Variants in MAST4 observed in about 807,000 individuals in gnomAD.
MAST4 encodes microtubule associated serine/threonine kinase family member 4.
A neutral mutation model predicts 162.7 loss-of-function variants in MAST4; 89 were observed. That is an observed-to-expected ratio of 0.55 (90% CI 0.46 to 0.65). The LOEUF (loss-of-function observed/expected upper bound fraction) is 0.65. MAST4 is among the 30% of genes least tolerant of loss of function. The pLI, the probability that MAST4 is intolerant of heterozygous loss-of-function variation, is 0.00. For missense variants in MAST4, 3,153 were observed against 3,374.0 expected, an observed-to-expected ratio of 0.93 and a Z score of 1.62; for synonymous variants, 1,479 against 1,361.1, an observed-to-expected ratio of 1.09 and a Z score of -1.91.
intron 4 of MAST4, among the ~76,000 whole-genome samples, chr5:66,985,383 A>G (rs895620111): frequency 6.6e-6 from 1 of 152,152 alleles, no homozygotes; most frequent in Non-Finnish European, 1.5e-5. Flanking sequence ...GAAATGTTCA[A>G]TCAAAGACAA....
chr5:66,967,337 A>G (rs1746860404), intron 4 of MAST4, among the ~76,000 whole-genome samples: 1 of 152,182 alleles, frequency 6.6e-6, no homozygotes, highest in South Asian at 2.1e-4. Flanking sequence ...GCGGAACTCC[A>G]GGGGCTTCTC....
chr5:66,722,052 C>T (rs144907971), intron 1 of MAST4, among the ~76,000 whole-genome samples: 3 of 152,168 alleles, frequency 2.0e-5, no homozygotes, highest in African/African-American at 7.2e-5. Context: ...TCCATCCCTG[C>T]CCTCTGCCAC....
intron 4 of MAST4, among the ~76,000 whole-genome samples, chr5:67,038,406 T>G (rs1260261801): frequency 1.3e-5 from 2 of 152,180 alleles, no homozygotes; most frequent in Admixed American, 6.6e-5. Context: ...ACAAACTCCT[T>G]GTAAGCACTT....
chr5:67,129,240 A>G (rs1439054969), intron 14 of MAST4, among the ~76,000 whole-genome samples: 2 of 152,172 alleles, frequency 1.3e-5, no homozygotes, highest in Non-Finnish European at 2.9e-5. Context: ...GGGGTAGCAC[A>G]TGCTGAGGAC....
intron 1 of MAST4, among the ~76,000 whole-genome samples, chr5:66,715,774 A>G (rs1322771163): frequency 1.3e-5 from 2 of 150,836 alleles, no homozygotes; most frequent in Non-Finnish European, 3.0e-5. Flanking sequence ...CTGTTGAAAT[A>G]TTGCTTATTC....
intron 12 of MAST4, 65 bp downstream of exon 12, chr5:67,114,284 TAA>T (rs1297889153): frequency 3.9e-6 from 6 of 1,539,868 alleles, no homozygotes; most frequent in Non-Finnish European, 5.2e-6. Context: ...AGAAGAAATC[TAA>T]GTGGCAAGTC....
chr5:67,096,963 T>G (rs1764533920), intron 7 of MAST4, among the ~76,000 whole-genome samples: 1 of 152,134 alleles, frequency 6.6e-6, no homozygotes, highest in African/African-American at 2.4e-5. Context: ...AATAGTGAAG[T>G]CATCCTTGAT....
rs374926339 is a variant in MAST4, at chr5:66,759,878, T to C, written c.517+16T>C. The C allele has an allele frequency of 3.1e-6, 5 of 1,613,102 alleles. No homozygotes were observed. The highest frequency in any genetic ancestry group is 4.2e-6 in the Non-Finnish European group (5 of 1,179,346). The stretch of plus-strand genomic sequence containing the variant: ...GCCCTGACTGGTGAGTCGCAGCGGC[T>C]TGGATGAGAGAAGGAATTGCATTTC... On this transcript the variant is annotated intron_variant, in intron 2 of 28. Coordinates refer to ENST00000403625, the MANE Select transcript of MAST4 (RefSeq NM_001164664.2).
At chr5:67,113,953 C>G (rs913537578) in intron 11 of MAST4, 134 bp from the exon 12 acceptor site, 9 of 879,398 alleles carry the variant, frequency 1.0e-5, no homozygotes, top group Middle Eastern at 3.4e-4. Context: ...TTTTTAAAGC[C>G]ATTTGCCTCC....
chr5:66,732,889 T>A (rs1751938447), intron 1 of MAST4, among the ~76,000 whole-genome samples: 1 of 152,222 alleles, frequency 6.6e-6, no homozygotes, highest in Non-Finnish European at 1.5e-5. Flanking sequence ...CGCCATTCGG[T>A]CTCTAAAGCT....
intron 4 of MAST4, among the ~76,000 whole-genome samples, chr5:66,941,679 A>G (rs192972588): frequency 5.0e-4 from 76 of 152,174 alleles, no homozygotes; most frequent in African/African-American, 1.6e-3. Context: ...TGCATTTACA[A>G]CTTCGCTACC....
At chr5:67,130,827 G>GA (rs1367649234) in intron 15 of MAST4, among the ~76,000 whole-genome samples, 1 of 152,084 alleles carries the variant, frequency 6.6e-6, no homozygotes, top group African/African-American at 2.4e-5. Context: ...AATGGAAAAG[G>GA]AGATACATTC....
At chr5:67,019,375 C>T (rs2150380755) in intron 4 of MAST4, among the ~76,000 whole-genome samples, 1 of 152,304 alleles carries the variant, frequency 6.6e-6, no homozygotes, top group East Asian at 1.9e-4. Flanking sequence ...GTATTTGGAT[C>T]TCTCTTGAAA....
intron 4 of MAST4, chr5:66,963,803 G>A (rs1370637930): frequency 1.3e-6 from 1 of 779,576 alleles, no homozygotes; most frequent in South Asian, 1.3e-5. Context: ...CATGCTCCAG[G>A]GCCTGCCCAG....
intron 4 of MAST4, chr5:66,963,834 GC>G (rs1746322112): frequency 1.3e-6 from 1 of 777,408 alleles, no homozygotes; most frequent in African/African-American, 1.7e-5. Flanking sequence ...TCTTTCTGTT[GC>G]CCCATTTCCC....
chr5:66,986,040 C>T (rs1299461862), intron 4 of MAST4, among the ~76,000 whole-genome samples: 1 of 152,172 alleles, frequency 6.6e-6, no homozygotes, highest in Non-Finnish European at 1.5e-5. Context: ...TGACCCATGA[C>T]CTTCCCTCAA....
At chr5:67,073,870 G>T (rs920484241) in intron 5 of MAST4, among the ~76,000 whole-genome samples, 1 of 152,078 alleles carries the variant, frequency 6.6e-6, no homozygotes, top group African/African-American at 2.4e-5. Flanking sequence ...ATGCTAAAAA[G>T]TAAAATTAAT....
chr5:66,967,329 G>A (rs757390418), intron 4 of MAST4, among the ~76,000 whole-genome samples: 1 of 152,148 alleles, frequency 6.6e-6, no homozygotes, highest in Non-Finnish European at 1.5e-5. Context: ...CATCTCCAGC[G>A]GAACTCCAGG....
At chr5:66,691,852 G>T (rs1356184961) in intron 1 of MAST4, among the ~76,000 whole-genome samples, 2 of 152,230 alleles carry the variant, frequency 1.3e-5, no homozygotes, top group Middle Eastern at 3.4e-3. Flanking sequence ...TCAGTCTATT[G>T]TTCTTAGTAA....
Sources: gnomAD v4.1 joint callset for allele counts (sites outside exome capture counted in the v4.1 genomes callset) on GRCh38, gnomAD v4.1.1 for gene constraint, MANE v1.5 for transcripts, NCBI Gene and HGNC (gene_info 2026-07-23, HGNC 2026-07-21) for gene names.